Variants in PTBP2 observed in about 807,000 individuals in gnomAD.
PTBP2 encodes polypyrimidine tract binding protein 2.
PTBP2 carries 13 observed loss-of-function variants against 61.4 expected under a neutral mutation model. The observed-to-expected ratio is 0.21, with a 90% confidence interval of 0.14 to 0.34. PTBP2 has a LOEUF of 0.34. PTBP2 is among the 10% of genes least tolerant of loss of function. The pLI, the probability that PTBP2 is intolerant of heterozygous loss-of-function variation, is 1.00. For synonymous variants in PTBP2, 215 were observed against 218.5 expected (o/e 0.98, Z 0.14); for missense variants, 405 against 642.6 (o/e 0.63, Z 4.00).
intron 8 of PTBP2, among the ~76,000 whole-genome samples, chr1:96,787,487 A>G (rs1659339614): frequency 6.6e-6 from 1 of 152,196 alleles, no homozygotes. Flanking sequence ...GAAAAAGGAA[A>G]AAGTGTTTAG....
At chr1:96,785,007 T>C in intron 7 of PTBP2, 52 bp from the exon 8 acceptor site, 3 of 1,340,066 alleles carry the variant, frequency 2.2e-6, no homozygotes, top group Non-Finnish European at 3.0e-6. Flanking sequence ...ATACTTTCAC[T>C]AATTTTTATT....
chr1:96,756,883 C>T (rs867162296), intron 3 of PTBP2, among the ~76,000 whole-genome samples: 1 of 152,040 alleles, frequency 6.6e-6, no homozygotes, highest in Admixed American at 6.5e-5. Flanking sequence ...TTTCCAAACC[C>T]ATAGAATGTA....
chr1:96,761,348 G>GTA (rs1336263244), intron 3 of PTBP2, among the ~76,000 whole-genome samples: 2 of 65,226 alleles, frequency 3.1e-5, no homozygotes, highest in Non-Finnish European at 5.6e-5. Flanking sequence ...GGGATTTGAT[G>GTA]TGTGTGTGTG....
chr1:96,760,532 G>A (rs1282218538), intron 3 of PTBP2, among the ~76,000 whole-genome samples: 2 of 132,264 alleles, frequency 1.5e-5, no homozygotes, highest in Non-Finnish European at 3.1e-5. Flanking sequence ...TGCAACCTCC[G>A]CCTCCTGGGT....
rs76296133 is a variant in PTBP2 at position 96,791,035 on chromosome 1, G to T, written c.904+5781G>T. Among the ~76,000 whole-genome samples, 146 of 151,648 alleles carry T rather than the reference G, an allele frequency of 9.6e-4. 3 individuals carry two copies. In the East Asian group the frequency reaches 0.026, roughly 27 times the overall value. ...AATTGTGAAAAAAAAAAACCATCCA[G>T]GTATGCATGTTATTTATTCATTGAG... On this transcript the variant is annotated intron_variant, in intron 8 of 13. Coordinates refer to ENST00000674951, the MANE Select transcript of PTBP2 (RefSeq NM_021190.4).
chr1:96,768,582 A>T (rs186879539), intron 3 of PTBP2, among the ~76,000 whole-genome samples: 2 of 152,152 alleles, frequency 1.3e-5, no homozygotes, highest in East Asian at 3.9e-4. Flanking sequence ...GGCATAGTAG[A>T]TATACTGCAA....
chr1:96,729,726 A>G (rs1425897272), intron 2 of PTBP2, among the ~76,000 whole-genome samples: 1 of 143,148 alleles, frequency 7.0e-6, no homozygotes, highest in Non-Finnish European at 1.5e-5. Flanking sequence ...TGTTCATGAT[A>G]CTACTATTTT....
At chr1:96,756,148 C>T (rs1195349778) in intron 3 of PTBP2, among the ~76,000 whole-genome samples, 11 of 152,180 alleles carry the variant, frequency 7.2e-5, no homozygotes, top group Admixed American at 7.2e-4. Context: ...CCTGTAATCC[C>T]AGCGCTTTGG....
chr1:96,804,084 TAAG>T (rs1661280321), intron 8 of PTBP2, among the ~76,000 whole-genome samples: 2 of 152,070 alleles, frequency 1.3e-5, no homozygotes, highest in African/African-American at 4.8e-5. Context: ...AACAATAAAA[TAAG>T]AAGGAAATGA....
intron 3 of PTBP2, among the ~76,000 whole-genome samples, chr1:96,761,969 T>C (rs201634590): frequency 0.078 from 11,761 of 151,536 alleles, 568 homozygotes; most frequent in East Asian, 0.17. Context: ...TTCAAGCATC[T>C]GTTTAACAAA....
chr1:96,819,372 A>C (rs1662598741), downstream of PTBP2: 1 of 151,930 alleles, frequency 6.6e-6, no homozygotes, highest in African/African-American at 2.4e-5. Flanking sequence ...AAAATTTTAA[A>C]ATATTCTTAT....
intron 3 of PTBP2, among the ~76,000 whole-genome samples, chr1:96,766,439 C>T (rs1240914509): frequency 1.3e-5 from 2 of 152,120 alleles, no homozygotes; most frequent in East Asian, 3.9e-4. Context: ...AGGGAAAGAT[C>T]TCTTTCATTC....
intron 8 of PTBP2, among the ~76,000 whole-genome samples, chr1:96,798,233 C>CT (rs1270254658): frequency 9.9e-5 from 15 of 151,976 alleles, no homozygotes; most frequent in Admixed American, 9.8e-4. Context: ...TGGTGAAACA[C>CT]TGTCTCTACT....
chr1:96,798,461 G>A (rs1660617534), intron 8 of PTBP2, among the ~76,000 whole-genome samples: 1 of 152,134 alleles, frequency 6.6e-6, no homozygotes, highest in African/African-American at 2.4e-5. Flanking sequence ...ATGCTCTTCT[G>A]TTCAGTAGTA....
At chr1:96,774,690 A>G (rs1657818025) in intron 5 of PTBP2, among the ~76,000 whole-genome samples, 1 of 152,104 alleles carries the variant, frequency 6.6e-6, no homozygotes, top group Non-Finnish European at 1.5e-5. Flanking sequence ...TTCTCTTTAT[A>G]AACTACTTTC....
At position 96,793,056 on chromosome 1, in the gene PTBP2, T is replaced by C. The variant is rs575780215; in HGVS notation, c.904+7802T>C. Among the ~76,000 whole-genome samples, 7 of 152,310 alleles carry C rather than the reference T, an allele frequency of 4.6e-5. No individual in the cohort carries two copies. In the East Asian group the frequency reaches 1.2e-3, roughly 25 times the overall value. Reference sequence around the variant, plus strand: ...AAAATACATGTAAATTAAAAATTAATATTTTATTTTCAACATAAATCAGAA... The same window carrying C: ...AAAATACATGTAAATTAAAAATTAACATTTTATTTTCAACATAAATCAGAA... On this transcript the variant is annotated intron_variant, in intron 8 of 13. Coordinates refer to ENST00000674951, the MANE Select transcript of PTBP2 (RefSeq NM_021190.4).
chr1:96,822,650 A>G (rs1322871680), exon 14 of PTBP2: 3 of 152,228 alleles, frequency 2.0e-5, no homozygotes, highest in African/African-American at 7.2e-5. Flanking sequence ...AAACTTATCC[A>G]TCTAAAAGCT....
At chr1:96,784,928 G>A (rs1659058880) in intron 7 of PTBP2, 131 bp from the exon 8 acceptor site, 2 of 695,380 alleles carry the variant, frequency 2.9e-6, no homozygotes, top group Non-Finnish European at 4.5e-6. Context: ...TTTGATATAT[G>A]AAATTTGAAT....
At chr1:96,781,569 A>G (rs1236427873) in intron 7 of PTBP2, among the ~76,000 whole-genome samples, 1 of 151,894 alleles carries the variant, frequency 6.6e-6, no homozygotes, top group Non-Finnish European at 1.5e-5. Flanking sequence ...TTTATGCCCA[A>G]CTTCTGCTTC....
Sources: allele counts gnomAD v4.1 joint callset (sites outside exome capture counted in the v4.1 genomes callset), GRCh38; gene constraint gnomAD v4.1.1; transcripts MANE v1.5; gene names NCBI Gene and HGNC (gene_info 2026-07-23, HGNC 2026-07-21).